Variants in ATP10A observed in about 807,000 individuals in gnomAD.
ATP10A encodes the protein phospholipid-transporting ATPase VA.
In ATP10A, 111 loss-of-function variants were observed where a neutral mutation model predicts 147.8. The ratio of observed to expected loss-of-function variants is 0.75; its 90% CI spans 0.64 to 0.88. The LOEUF is 0.88. Ranked by LOEUF, ATP10A falls within the 40% of genes least tolerant of loss-of-function variation. The probability of loss-of-function intolerance (pLI) is 0.00; values close to 1 mark genes in which losing one functional copy is unlikely to be tolerated. For synonymous variants in ATP10A, 875 were observed against 841.6 expected, an observed-to-expected ratio of 1.04 and a Z score of -0.69; for missense variants, 1,927 against 1,959.0, an observed-to-expected ratio of 0.98 and a Z score of 0.31.
At chr15:25,859,056 A>G (rs1006615991) in intron 1 of ATP10A, among the ~76,000 whole-genome samples, 2 of 152,078 alleles carry the variant, frequency 1.3e-5, no homozygotes, top group Middle Eastern at 3.2e-3. Flanking sequence ...GCTGTGGAAG[A>G]GGTGGATGAG....
intron 9 of ATP10A, 143 bp downstream of exon 9, chr15:25,716,587 C>T (rs1901824851): frequency 5.2e-6 from 4 of 763,120 alleles, no homozygotes; most frequent in South Asian, 2.2e-5. Context: ...GTATGAAGCA[C>T]CCCACCGCAT....
chr15:25,843,891 G>A (rs1210424628), intron 1 of ATP10A, among the ~76,000 whole-genome samples: 1 of 152,142 alleles, frequency 6.6e-6, no homozygotes, highest in African/African-American at 2.4e-5. Context: ...TGGAAGGGCT[G>A]GAGTCTCCCT....
At chr15:25,682,753 G>T (rs994038589) in intron 17 of ATP10A, among the ~76,000 whole-genome samples, 3 of 152,212 alleles carry the variant, frequency 2.0e-5, no homozygotes, top group Non-Finnish European at 4.4e-5. Context: ...ATTATTGCAG[G>T]AGAAATGAGA....
chr15:25,676,512 A>T (rs1899139258), downstream of ATP10A, among the ~76,000 whole-genome samples: 1 of 151,988 alleles, frequency 6.6e-6, no homozygotes, highest in African/African-American at 2.4e-5. Flanking sequence ...TCCTACACCC[A>T]CTTTTTCTCT....
chr15:25,757,480 A>G (rs531163383), intron 2 of ATP10A, among the ~76,000 whole-genome samples: 2 of 152,276 alleles, frequency 1.3e-5, no homozygotes, highest in South Asian at 4.1e-4. Context: ...ATAGAAGGAT[A>G]TATTTTATGT....
chr15:25,823,385 T>G (rs959520501), intron 1 of ATP10A, among the ~76,000 whole-genome samples: 2 of 152,202 alleles, frequency 1.3e-5, no homozygotes, highest in Non-Finnish European at 2.9e-5. Flanking sequence ...TTACACCCAT[T>G]TAATAGAGGA....
chr15:25,770,145 C>T (rs922952617), intron 2 of ATP10A, among the ~76,000 whole-genome samples: 10 of 151,140 alleles, frequency 6.6e-5, no homozygotes, highest in Middle Eastern at 3.4e-3. Context: ...ATTTAAAACA[C>T]GACCCGGGCG....
At chr15:25,673,208 C>T (rs867610317), downstream of ATP10A, among the ~76,000 whole-genome samples, 3 of 152,256 alleles carry the variant, frequency 2.0e-5, no homozygotes, top group South Asian at 2.1e-4. Flanking sequence ...CAGCCCACTC[C>T]GGTTGAGCGA....
intron 13 of ATP10A, among the ~76,000 whole-genome samples, chr15:25,697,056 G>T (rs1900378728): frequency 6.6e-6 from 1 of 152,210 alleles, no homozygotes; most frequent in Non-Finnish European, 1.5e-5. Context: ...CTGAAAAGGG[G>T]ATTCTTGGGG....
chr15:25,716,913 G>C lies in ATP10A; in HGVS notation c.1593C>G (p.Ile531Met). ...TCTCCAGCAGCTTTGGGTCGGGCGT[G>C]ATATCCTTCTCCTGGGAGAAAGGGA... ...TAFSSPMEKD[I>M]TPDPKLLEKV... is the part of the protein sequence containing the mutation. The change falls in exon 9 of 21, where the codon ATC becomes ATG. Residue 531 changes from isoleucine to methionine, a missense_variant. Physicochemically the swap from Ile to Met is conservative, Grantham distance 10 (BLOSUM62 1). Transcript: ENST00000555815. 1.3e-6 allele frequency: 2 copies of C among 1,574,428 alleles called. No homozygotes were observed. The highest frequency in any genetic ancestry group is 2.3e-5 in the South Asian group (2 of 85,640).
At chr15:25,797,002 T>C (rs1437890336) in intron 1 of ATP10A, among the ~76,000 whole-genome samples, 3 of 152,190 alleles carry the variant, frequency 2.0e-5, no homozygotes, top group African/African-American at 7.2e-5. Context: ...ACATTTAAAA[T>C]CTACTTGTTA....
chr15:25,683,249 T>G (rs765325942), intron 17 of ATP10A, 37 bp downstream of exon 17: 1 of 1,595,846 alleles, frequency 6.3e-7, no homozygotes. Context: ...AGGGCAGAGC[T>G]CAGGAGGTGG....
At chr15:25,767,470 A>G (rs1231956720) in intron 2 of ATP10A, among the ~76,000 whole-genome samples, 1 of 152,182 alleles carries the variant, frequency 6.6e-6, no homozygotes, top group Admixed American at 6.5e-5. Context: ...TTGGGTTTGC[A>G]GCACAGCCCC....
intron 1 of ATP10A, among the ~76,000 whole-genome samples, chr15:25,823,717 G>T (rs1376047481): frequency 6.6e-6 from 1 of 152,062 alleles, no homozygotes; most frequent in Non-Finnish European, 1.5e-5. Context: ...GCATAACATT[G>T]CCCACAACCA....
rs564112272 is a variant in ATP10A, at chr15:25,804,139, A to G, written c.450-22916T>C. Reference sequence around the variant, plus strand: ...GTGTGCGGTGTGTGTGTGAGGTGTAATTGTGCTTAGTGTGTGATGTGAGGT... The same window carrying G: ...GTGTGCGGTGTGTGTGTGAGGTGTAGTTGTGCTTAGTGTGTGATGTGAGGT... On this transcript the variant is annotated intron_variant, in intron 1 of 20. Transcript: ENST00000555815. Among the ~76,000 whole-genome samples the G allele has an allele frequency of 4.7e-4, 63 of 134,796 alleles. No homozygotes were observed. In the Middle Eastern group the frequency reaches 0.027, roughly 58 times the overall value. The allele number at this position is 134,796 out of a possible 152,430, so 88.4% of individuals were successfully genotyped here.
rs117647902 is a variant in ATP10A at position 25,755,705 on chromosome 15, C to T, written c.655-19564G>A. On this transcript the variant is annotated intron_variant, in intron 2 of 20. Coordinates refer to ENST00000555815, the MANE Select transcript of ATP10A (RefSeq NM_024490.4). ...AGGACAGATGGGCCTCTGAGGGAAGCTTCAGGAGACTTCTACCTAATATGC... is the reference window on the plus strand; with the variant it reads ...AGGACAGATGGGCCTCTGAGGGAAGTTTCAGGAGACTTCTACCTAATATGC... Among the ~76,000 whole-genome samples, 922 of 152,292 alleles carry T rather than the reference C, an allele frequency of 6.1e-3. 8 individuals carry two copies. The highest frequency in any genetic ancestry group is 9.1e-3 in the Non-Finnish European group (622 of 68,018).
Position 25,729,060 on chromosome 15 carries a change from G to A in ATP10A, c.741-1794C>T, listed in dbSNP as rs112355115. 4.2e-3 allele frequency among the ~76,000 whole-genome samples: 645 copies of A among 152,330 alleles called. 4 individuals carry two copies. The highest frequency in any genetic ancestry group is 0.02 in the Middle Eastern group (6 of 294). The stretch of plus-strand genomic sequence containing the variant: ...ACTCCACAAAGACACACACAAGAAC[G>A]TGAGCCGTCAGCTCCGTTGTCATGG... On this transcript the variant is annotated intron_variant, in intron 3 of 20. Coordinates refer to ENST00000555815, the MANE Select transcript of ATP10A (RefSeq NM_024490.4).
intron 1 of ATP10A, among the ~76,000 whole-genome samples, chr15:25,808,982 C>T (rs977545464): frequency 1.3e-5 from 2 of 151,970 alleles, no homozygotes; most frequent in Non-Finnish European, 2.9e-5. Flanking sequence ...TGCGTGGCCA[C>T]GAGATGAAGG....
chr15:25,805,705 A>AT (rs1002336343), intron 1 of ATP10A, among the ~76,000 whole-genome samples: 2 of 152,202 alleles, frequency 1.3e-5, no homozygotes, highest in Admixed American at 6.5e-5. Flanking sequence ...AGGCTGTGCT[A>AT]TTTTTTTCCC....
Sources: allele counts gnomAD v4.1 joint callset (sites outside exome capture counted in the v4.1 genomes callset), GRCh38; gene constraint gnomAD v4.1.1; transcripts MANE v1.5; gene names NCBI Gene and HGNC (gene_info 2026-07-23, HGNC 2026-07-21).